SLIT3: variants seen among roughly 807,000 people sequenced by gnomAD.
SLIT3 encodes slit guidance ligand 3.
Under a neutral mutation model 184.0 loss-of-function variants are expected in SLIT3, and 68 were observed. That is an observed-to-expected ratio of 0.37 (90% CI 0.30 to 0.45). The LOEUF is 0.45. SLIT3 is among the 20% of genes least tolerant of loss of function. SLIT3 has a pLI of 1.00. For synonymous variants in SLIT3, 831 were observed against 828.6 expected (o/e 1.00, Z -0.05); for missense variants, 1,707 against 2,026.0 (o/e 0.84, Z 3.02).
intron 4 of SLIT3, among the ~76,000 whole-genome samples, chr5:168,957,945 C>A (rs533644010): frequency 3.8e-4 from 57 of 151,620 alleles, no homozygotes; most frequent in Non-Finnish European, 5.8e-4. Context: ...CATCATTAAC[C>A]AAATATTAAA....
At chr5:168,680,563 ACT>A (rs1456801383) in intron 32 of SLIT3, among the ~76,000 whole-genome samples, 1 of 152,086 alleles carries the variant, frequency 6.6e-6, no homozygotes, top group East Asian at 1.9e-4. Context: ...GGGCTCCCTG[ACT>A]CTGGCCCTGA....
intron 30 of SLIT3, among the ~76,000 whole-genome samples, chr5:168,686,727 C>A (rs957798083): frequency 6.6e-6 from 1 of 152,238 alleles, no homozygotes; most frequent in African/African-American, 2.4e-5. Flanking sequence ...TGAACCTAAG[C>A]CCAGCTTTCA....
rs77914208 is a variant in SLIT3, at chr5:168,794,666, G to T, written c.1007+841C>A. The stretch of plus-strand genomic sequence containing the variant: ...TACCCTCCGAGGCTTCTCATTTCAT[G>T]CAGGAAGAACAGAAAGTCTGTACCA... On this transcript the variant is annotated intron_variant, in intron 10 of 35. Transcript: ENST00000519560. Among the ~76,000 whole-genome samples the T allele has an allele frequency of 9.9e-3, 1,515 of 152,318 alleles. 26 individuals are homozygous for T. Among genetic ancestry groups the T allele is most frequent in the African/African-American group, 0.035 (1,440 of 41,564 alleles).
intron 4 of SLIT3, among the ~76,000 whole-genome samples, chr5:169,133,298 G>A (rs1312526913): frequency 2.0e-5 from 3 of 152,230 alleles, no homozygotes. Flanking sequence ...TGCACTCTGT[G>A]AAGGACATGC....
At chr5:169,159,414 G>A (rs990264948) in intron 4 of SLIT3, among the ~76,000 whole-genome samples, 17 of 151,670 alleles carry the variant, frequency 1.1e-4, no homozygotes, top group African/African-American at 2.4e-4. Flanking sequence ...CAACAAGAGC[G>A]AAACTCCATC....
At chr5:169,240,940 A>G (rs1326137741) in intron 3 of SLIT3, among the ~76,000 whole-genome samples, 4 of 151,880 alleles carry the variant, frequency 2.6e-5, no homozygotes, top group Admixed American at 2.6e-4. Context: ...ATAAGGCAAT[A>G]AATATTAGCA....
chr5:169,300,395 G>C lies in SLIT3; in HGVS notation c.197+118C>G. On this transcript the variant is annotated intron_variant, in intron 1 of 35. Coordinates refer to ENST00000519560, the MANE Select transcript of SLIT3 (RefSeq NM_003062.4). This position sits in a 1 kb window ranked among gnomAD's most constrained non-coding sequence, Gnocchi z 4.1. ...AGAGTGAGGGATCGTATCCAGGAAG[G>C]GATGAGAATAGAGACTGCATCCAGG... is the stretch of plus-strand genomic sequence containing the variant. 8.1e-7 allele frequency: 1 copy of C among 1,231,668 alleles called. No homozygotes were observed. Among genetic ancestry groups the C allele is most frequent in the Non-Finnish European group, 1.0e-6 (1 of 953,462 alleles). The allele number at this position is 1,231,668 out of a possible 1,614,324, so 76.3% of individuals were successfully genotyped here.
chr5:168,937,563 T>C (rs923679711), intron 4 of SLIT3, among the ~76,000 whole-genome samples: 1 of 151,536 alleles, frequency 6.6e-6, no homozygotes, highest in African/African-American at 2.4e-5. Flanking sequence ...TAAGGGGGAG[T>C]TGGATCTAGA....
At chr5:169,262,569 T>G (rs1408805401) in intron 1 of SLIT3, among the ~76,000 whole-genome samples, 1 of 152,112 alleles carries the variant, frequency 6.6e-6, no homozygotes, top group Admixed American at 6.5e-5. Flanking sequence ...GCTTGGGGAC[T>G]GGAACCATAA....
At chr5:168,760,635 G>A (rs1299301845) in intron 16 of SLIT3, among the ~76,000 whole-genome samples, 1 of 152,156 alleles carries the variant, frequency 6.6e-6, no homozygotes, top group Non-Finnish European at 1.5e-5. Flanking sequence ...CAGGGATGGT[G>A]TGGAATGCTC....
chr5:168,882,402 G>A (rs371114891), intron 5 of SLIT3, among the ~76,000 whole-genome samples: 14 of 152,158 alleles, frequency 9.2e-5, no homozygotes, highest in Non-Finnish European at 1.3e-4. Context: ...GTAGGAAATC[G>A]TCAAAGTTCA....
chr5:168,921,953 A>G (rs903352711), intron 4 of SLIT3, among the ~76,000 whole-genome samples: 2 of 152,162 alleles, frequency 1.3e-5, no homozygotes, highest in Non-Finnish European at 2.9e-5. Context: ...AAGAAAAGCA[A>G]TATTTATGGA....
intron 4 of SLIT3, among the ~76,000 whole-genome samples, chr5:169,176,530 T>C (rs1264647976): frequency 2.0e-5 from 3 of 152,136 alleles, no homozygotes; most frequent in Non-Finnish European, 2.9e-5. Context: ...TACTATGGCA[T>C]TGAATTGTTT....
chr5:168,744,528 G>C (rs1763742971), intron 20 of SLIT3, among the ~76,000 whole-genome samples: 1 of 152,188 alleles, frequency 6.6e-6, no homozygotes, highest in Non-Finnish European at 1.5e-5. Context: ...TGGTTTCAAA[G>C]CTTCAAAGGG....
chr5:168,774,302 G>A lies in SLIT3; in HGVS notation c.1228C>T (p.Leu410=). The A allele has an allele frequency of 6.2e-7, 1 of 1,614,090 alleles. No homozygotes were observed. Among genetic ancestry groups the A allele is most frequent in the Non-Finnish European group, 8.5e-7 (1 of 1,179,974 alleles). The change falls in exon 13 of 36, where the codon CTG becomes TTG. Residue 410 remains leucine (L), a synonymous_variant. Transcript: ENST00000519560. ...ATGGTCTGCAGCTTGTTGTCATACAGGGAGAGCAAGTTGAGGTTCTGCAGG... is the reference window on the plus strand; with the variant it reads ...ATGGTCTGCAGCTTGTTGTCATACAAGGAGAGCAAGTTGAGGTTCTGCAGG... The part of the protein sequence containing the change: ...QDLQNLNLLS[L]YDNKLQTISK...
intron 4 of SLIT3, among the ~76,000 whole-genome samples, chr5:168,976,385 G>T (rs1754762771): frequency 6.6e-6 from 1 of 152,264 alleles, no homozygotes; most frequent in African/African-American, 2.4e-5. Context: ...AGCTAATGGG[G>T]CCACAGATGC....
intron 4 of SLIT3, among the ~76,000 whole-genome samples, chr5:168,967,437 C>CT (rs540309809): frequency 0.031 from 1,020 of 32,728 alleles, 391 homozygotes; most frequent in African/African-American, 0.088. Context: ...CATCTCAAAT[C>CT]TTTTTTTTTT....
intron 4 of SLIT3, among the ~76,000 whole-genome samples, chr5:169,035,878 C>T (rs778704866): frequency 6.6e-6 from 1 of 152,048 alleles, no homozygotes; most frequent in Non-Finnish European, 1.5e-5. Context: ...CAGTTAATAT[C>T]GTAGAGTCTT....
At chr5:169,193,666 C>T (rs1005015943) in intron 3 of SLIT3, 116 bp from the exon 4 acceptor site, 35 of 808,826 alleles carry the variant, frequency 4.3e-5, no homozygotes, top group Admixed American at 3.5e-4. Flanking sequence ...AGACTCTCTA[C>T]GTCTTTCAGT....
Sources: gnomAD v4.1 joint callset for allele counts (sites outside exome capture counted in the v4.1 genomes callset) on GRCh38, gnomAD v4.1.1 for gene constraint, Gnocchi (gnomAD v3.1) non-coding constraint, MANE v1.5 for transcripts, NCBI Gene and HGNC (gene_info 2026-07-23, HGNC 2026-07-21) for gene names.